RALGPS1: variants seen among roughly 807,000 people sequenced by gnomAD.
RALGPS1 encodes Ral GEF with PH domain and SH3 binding motif 1.
A neutral mutation model predicts 78.8 loss-of-function variants in RALGPS1; 19 were observed. That is an observed-to-expected ratio of 0.24 (90% confidence interval 0.17 to 0.35). The LOEUF (loss-of-function observed/expected upper bound fraction) is 0.35. Ranked by LOEUF, RALGPS1 falls within the 10% of genes least tolerant of loss-of-function variation. The probability of loss-of-function intolerance (pLI) is 1.00; values close to 1 mark genes in which losing one functional copy is unlikely to be tolerated. For missense variants in RALGPS1, 454 were observed against 688.3 expected (o/e 0.66, Z 3.81); for synonymous variants, 228 against 256.3 (o/e 0.89, Z 1.06).
At position 127,091,445 on chromosome 9, in the gene RALGPS1, A is replaced by T. The variant is rs78757730; in HGVS notation, c.610+22089A>T. On this transcript the variant is annotated intron_variant, in intron 8 of 18. Coordinates refer to ENST00000259351, the MANE Select transcript of RALGPS1 (RefSeq NM_014636.3). The surrounding 1 kb of genome is among the most constrained non-coding windows in gnomAD (Gnocchi z 4.3). ...ACCTCTTTATGTCTCGCCCCATCCCATTTTTTTTTTCTTAATTTGTAAATG... is the reference window on the plus strand; with the variant it reads ...ACCTCTTTATGTCTCGCCCCATCCCTTTTTTTTTTTCTTAATTTGTAAATG... 6.8e-6 allele frequency among the ~76,000 whole-genome samples: 1 copy of T among 148,050 alleles called. No individual in the cohort carries two copies. Among genetic ancestry groups the T allele is most frequent in the Non-Finnish European group, 1.5e-5 (1 of 66,840 alleles).
At chr9:127,190,106 A>G (rs916973685) in intron 11 of RALGPS1, among the ~76,000 whole-genome samples, 7 of 152,096 alleles carry the variant, frequency 4.6e-5, no homozygotes, top group African/African-American at 1.7e-4. Context: ...AAGGCCTCTC[A>G]CCCCCATCCT....
chr9:127,010,533 G>GGTGC (rs2044245485), intron 4 of RALGPS1, among the ~76,000 whole-genome samples: 2 of 152,328 alleles, frequency 1.3e-5, no homozygotes, highest in Admixed American at 6.5e-5. Flanking sequence ...GCCAGGAATG[G>GGTGC]GTGCCATTGT....
intron 1 of RALGPS1, among the ~76,000 whole-genome samples, chr9:126,956,817 ACT>A (rs2038389482): frequency 6.6e-6 from 1 of 152,240 alleles, no homozygotes; most frequent in Non-Finnish European, 1.5e-5. Flanking sequence ...GTATGATAAC[ACT>A]GACACCGATA....
chr9:127,138,128 G>A (rs1053706052), intron 8 of RALGPS1, among the ~76,000 whole-genome samples: 2 of 152,204 alleles, frequency 1.3e-5, no homozygotes, highest in Non-Finnish European at 2.9e-5. Context: ...GCCGAAGAAT[G>A]AGGAGGCCTC....
intron 4 of RALGPS1, among the ~76,000 whole-genome samples, chr9:126,985,382 G>T (rs2041702442): frequency 6.6e-6 from 1 of 152,170 alleles, no homozygotes; most frequent in Non-Finnish European, 1.5e-5. Context: ...AAATGTTGCT[G>T]TTGTAAGCAT....
In RALGPS1 at chr9:127,014,753, T is replaced by C. The variant is rs377643019; in HGVS notation, c.217-19678T>C. Among the ~76,000 whole-genome samples, 39 of 152,146 alleles carry C rather than the reference T, an allele frequency of 2.6e-4. No individual in the cohort carries two copies. In the East Asian group the frequency reaches 5.6e-3, roughly 22 times the overall value. On this transcript the variant is annotated intron_variant, in intron 4 of 18. Coordinates refer to ENST00000259351, the MANE Select transcript of RALGPS1 (RefSeq NM_014636.3). Reference sequence around the variant, plus strand: ...CCCTGTGCATCCTCTAGGCCCATCATTTTTTTACAGCCCCCATCCCCCACC... The same window carrying C: ...CCCTGTGCATCCTCTAGGCCCATCACTTTTTTACAGCCCCCATCCCCCACC...
intron 8 of RALGPS1, among the ~76,000 whole-genome samples, chr9:127,105,566 T>C (rs2136999244): frequency 6.6e-6 from 1 of 152,296 alleles, no homozygotes; most frequent in South Asian, 2.1e-4. Flanking sequence ...CCCTTCCCTC[T>C]AGGCAGAATT....
intron 8 of RALGPS1, among the ~76,000 whole-genome samples, chr9:127,141,478 A>G (rs2057769345): frequency 6.6e-6 from 1 of 152,126 alleles, no homozygotes; most frequent in Non-Finnish European, 1.5e-5. Flanking sequence ...GTCCATGCCA[A>G]CCAACAGCCT....
intron 4 of RALGPS1, among the ~76,000 whole-genome samples, chr9:126,996,332 A>G (rs1219528209): frequency 2.0e-5 from 3 of 152,202 alleles, no homozygotes; most frequent in Admixed American, 2.0e-4. Context: ...TAGATGCAAT[A>G]AAAAATGATA....
chr9:126,990,856 A>G (rs1220308551), intron 4 of RALGPS1, among the ~76,000 whole-genome samples: 1 of 152,226 alleles, frequency 6.6e-6, no homozygotes, highest in Non-Finnish European at 1.5e-5. Flanking sequence ...CCTGTGATCT[A>G]ATGCAGTGCC....
chr9:127,153,637 G>A (rs1405904394), intron 8 of RALGPS1, among the ~76,000 whole-genome samples: 1 of 152,106 alleles, frequency 6.6e-6, no homozygotes, highest in Non-Finnish European at 1.5e-5. Flanking sequence ...TGCCCTTGCA[G>A]CTTCCTCTCC....
intron 7 of RALGPS1, among the ~76,000 whole-genome samples, chr9:127,055,009 G>GAGAGAGAT (rs2048609848): frequency 2.1e-5 from 1 of 47,626 alleles, no homozygotes; most frequent in Non-Finnish European, 5.5e-5. Context: ...GAGAGAGAGA[G>GAGAGAGAT]AGAGAGAGAG....
At chr9:127,010,196 T>G (rs2044216932) in intron 4 of RALGPS1, among the ~76,000 whole-genome samples, 1 of 152,102 alleles carries the variant, frequency 6.6e-6, no homozygotes, top group Admixed American at 6.5e-5. Flanking sequence ...GGGGAGAGGC[T>G]GGAGCCAGAG....
intron 8 of RALGPS1, among the ~76,000 whole-genome samples, chr9:127,133,238 C>T (rs2057134022): frequency 6.6e-6 from 1 of 152,208 alleles, no homozygotes; most frequent in Admixed American, 6.5e-5. Flanking sequence ...GGAGGCTGCC[C>T]TGCCCGGTGC....
chr9:126,935,570 A>G (rs2036180125), intron 1 of RALGPS1, among the ~76,000 whole-genome samples: 1 of 152,216 alleles, frequency 6.6e-6, no homozygotes, highest in Non-Finnish European at 1.5e-5. Flanking sequence ...TTTCTGATGC[A>G]TTTCTGCACA....
At chr9:127,137,038 G>A (rs577422129) in intron 8 of RALGPS1, among the ~76,000 whole-genome samples, 1 of 152,276 alleles carries the variant, frequency 6.6e-6, no homozygotes, top group East Asian at 1.9e-4. Context: ...TGGGAGAGGG[G>A]TATATTTTTA....
intron 1 of RALGPS1, among the ~76,000 whole-genome samples, chr9:126,943,226 T>G (rs940237344): frequency 1.1e-4 from 16 of 152,182 alleles, no homozygotes; most frequent in African/African-American, 3.9e-4. Flanking sequence ...CACTGCAACC[T>G]CCACCTCCTG....
intron 1 of RALGPS1, among the ~76,000 whole-genome samples, chr9:126,947,024 A>G (rs942620660): frequency 3.9e-5 from 6 of 152,324 alleles, no homozygotes; most frequent in Middle Eastern, 3.4e-3. Flanking sequence ...TAGAGGGTCT[A>G]AAAGAAAACT....
At chr9:127,174,383 C>G (rs1463771318) in intron 10 of RALGPS1, among the ~76,000 whole-genome samples, 1 of 152,222 alleles carries the variant, frequency 6.6e-6, no homozygotes, top group Non-Finnish European at 1.5e-5. Flanking sequence ...TGATCCCCTA[C>G]TCTGCCACTT....
Sources: gnomAD v4.1 joint callset for allele counts (sites outside exome capture counted in the v4.1 genomes callset) on GRCh38, gnomAD v4.1.1 for gene constraint, Gnocchi (gnomAD v3.1) non-coding constraint, MANE v1.5 for transcripts, NCBI Gene and HGNC (gene_info 2026-07-23, HGNC 2026-07-21) for gene names.